Variants in POU4F3 observed in about 807,000 individuals in gnomAD.
POU4F3 encodes POU class 4 homeobox 3.
In POU4F3, 7 loss-of-function variants were observed where a neutral mutation model predicts 22.0. The ratio of observed to expected loss-of-function variants is 0.32; its 90% CI spans 0.18 to 0.60. The LOEUF (loss-of-function observed/expected upper bound fraction) is 0.60, where lower values mean the gene tolerates loss of function less well. Among genes scored for constraint, POU4F3 ranks in the 20% least tolerant of loss-of-function variants. The pLI is 0.85. For missense variants in POU4F3, 457 were observed against 467.4 expected, an observed-to-expected ratio of 0.98 and a Z score of 0.21; for synonymous variants, 220 against 194.5, an observed-to-expected ratio of 1.13 and a Z score of -1.09.
At position 146,339,728 on chromosome 5, in the gene POU4F3, G is replaced by A. The variant is rs1259123186; in HGVS notation, c.301G>A (p.Ala101Thr). Residue 101 changes from alanine to threonine, a missense_variant, in exon 2 of 2, where the codon GCT becomes ACT. Ala to Thr is a moderately conservative substitution (Grantham distance 58). Coordinates refer to ENST00000646991, the MANE Select transcript of POU4F3 (RefSeq NM_002700.3). This position sits in a 1 kb window ranked among gnomAD's most constrained non-coding sequence, Gnocchi z 4.7. Reference sequence around the variant, plus strand: ...GTCCACCGTGCCCATCTCCCACCCAGCTGCGCTCACCTCACACCCTCACCA... The same window carrying A: ...GTCCACCGTGCCCATCTCCCACCCAACTGCGCTCACCTCACACCCTCACCA... Reference protein sequence around the residue: ...TSSTVPISHPAALTSHPHHAV... With the variant: ...TSSTVPISHPTALTSHPHHAV... 4.3e-6 allele frequency: 7 copies of A among 1,614,094 alleles called. No individual in the cohort carries two copies. The South Asian group carries it at 5.5e-5, about 13-fold the overall frequency.
At position 146,340,544 on chromosome 5, in the gene POU4F3, G is replaced by C; in HGVS notation, c.*100G>C. ...GGAACTCCAAGGCGTTTCCTAGGCA[G>C]GTTAGGCTCTCTCCTCCGAAGCCAC... On this transcript the variant is annotated 3_prime_UTR_variant, in exon 2 of 2. Transcript: ENST00000646991. 4 of 1,472,818 alleles carry C rather than the reference G, an allele frequency of 2.7e-6. No individual in the cohort carries two copies. The highest frequency in any genetic ancestry group is 1.2e-5 in the South Asian group (1 of 84,958). The allele number at this position is 1,472,818 out of a possible 1,614,324, so 91.2% of individuals were successfully genotyped here. A position where few individuals can be genotyped will look rare whatever the true frequency, so the allele number is the denominator to read the frequency against.
At position 146,338,987 on chromosome 5, in the gene POU4F3, G is replaced by A. The variant is rs1382857556; in HGVS notation, c.-126G>A. 3 of 1,401,548 alleles carry A rather than the reference G, an allele frequency of 2.1e-6. No homozygotes were observed. The South Asian group carries it at 3.7e-5, about 17-fold the overall frequency. The allele number at this position is 1,401,548 out of a possible 1,614,324, so 86.8% of individuals were successfully genotyped here. ...TGAGTGAAGAAGCAGGTGGGGGAGA[G>A]GGGAGGCAGCGAGCGAGAGGGCGAG... is the stretch of plus-strand genomic sequence containing the variant. On this transcript the variant is annotated 5_prime_UTR_variant, in exon 1 of 2. Transcript: ENST00000646991.
Position 146,340,220 on chromosome 5 carries a change from A to G in POU4F3, c.793A>G (p.Lys265Glu), listed in dbSNP as rs1474847485. ...AEAAYREKNS[K>E]PELFNGSERK... ...GGCCGCCTACCGAGAGAAGAACAGCAAGCCAGAGCTCTTCAACGGCAGCGA... is the reference window on the plus strand; with the variant it reads ...GGCCGCCTACCGAGAGAAGAACAGCGAGCCAGAGCTCTTCAACGGCAGCGA... The change falls in exon 2 of 2, where the codon AAG becomes GAG. Residue 265 changes from lysine to glutamate, a missense_variant. Lys to Glu is a moderately conservative substitution (Grantham distance 56). This residue lies in a region of POU4F3 where 410 missense variants were observed against 385.0 expected (regional missense o/e 1.06). Coordinates refer to ENST00000646991, the MANE Select transcript of POU4F3 (RefSeq NM_002700.3). The G allele has an allele frequency of 6.2e-7, 1 of 1,614,032 alleles. No homozygotes were observed. Among genetic ancestry groups the G allele is most frequent in the Non-Finnish European group, 8.5e-7 (1 of 1,180,036 alleles).
At position 146,339,646 on chromosome 5, in the gene POU4F3, G is replaced by A; in HGVS notation, c.219G>A (p.Pro73=). The change falls in exon 2 of 2, where the codon CCG becomes CCA. Residue 73 remains proline (P), a synonymous_variant. Coordinates refer to ENST00000646991, the MANE Select transcript of POU4F3 (RefSeq NM_002700.3). This position sits in a 1 kb window ranked among gnomAD's most constrained non-coding sequence, Gnocchi z 4.7. Reference sequence around the variant, plus strand: ...TCGTCTCCCACGGCAAGAACCATCCGTTCAAGCCCGACGCCACCTACCATA... The same window carrying A: ...TCGTCTCCCACGGCAAGAACCATCCATTCAAGCCCGACGCCACCTACCATA... ...VDIVSHGKNH[P]FKPDATYHTM... 10 of 1,614,174 alleles carry A rather than the reference G, an allele frequency of 6.2e-6. No homozygotes were observed. The highest frequency in any genetic ancestry group is 8.5e-6 in the Non-Finnish European group (10 of 1,180,040).
At position 146,340,797 on chromosome 5, in the gene POU4F3, G is replaced by A; in HGVS notation, c.*353G>A. 2.6e-6 allele frequency: 1 copy of A among 389,216 alleles called. No homozygotes were observed. Among genetic ancestry groups the A allele is most frequent in the Non-Finnish European group, 4.8e-6 (1 of 208,402 alleles). The allele number at this position is 389,216 out of a possible 1,614,324, so 24.1% of individuals were successfully genotyped here. A position where few individuals can be genotyped will look rare whatever the true frequency, so the allele number is the denominator to read the frequency against. On this transcript the variant is annotated 3_prime_UTR_variant, in exon 2 of 2. Coordinates refer to ENST00000646991, the MANE Select transcript of POU4F3 (RefSeq NM_002700.3). ...ATTGGCCCAACCGCCCGAAGCTAGG[G>A]TGAAAATGCCACTTTGCTAAGCGCG... is the stretch of plus-strand genomic sequence containing the variant.
At position 146,339,253 on chromosome 5, in the gene POU4F3, A is replaced by G; in HGVS notation, c.120+21A>G. On this transcript the variant is annotated intron_variant, in intron 1 of 1. Coordinates refer to ENST00000646991, the MANE Select transcript of POU4F3 (RefSeq NM_002700.3). This position sits in a 1 kb window ranked among gnomAD's most constrained non-coding sequence, Gnocchi z 4.7. ...CGCAGGTACGTAGTGGAGCATAATT[A>G]CCGCTCTAAGGCACATTTTTTGACA... is the stretch of plus-strand genomic sequence containing the variant. 6.2e-7 allele frequency: 1 copy of G among 1,614,038 alleles called. No individual in the cohort carries two copies. The highest frequency in any genetic ancestry group is 8.5e-7 in the Non-Finnish European group (1 of 1,179,984).
At position 146,339,528 on chromosome 5, in the gene POU4F3, G is replaced by A. The variant is rs1316209266; in HGVS notation, c.121-20G>A. On this transcript the variant is annotated intron_variant, in intron 1 of 1. Transcript: ENST00000646991. This position sits in a 1 kb window ranked among gnomAD's most constrained non-coding sequence, Gnocchi z 4.7. Reference sequence around the variant, plus strand: ...GACAGTATTCCCTACTGACCGTGCTGTGCGCCTTCTCGCTTGCAGCTGCAG... The same window carrying A: ...GACAGTATTCCCTACTGACCGTGCTATGCGCCTTCTCGCTTGCAGCTGCAG... 4.3e-6 allele frequency: 7 copies of A among 1,614,034 alleles called. No homozygotes were observed. Among genetic ancestry groups the A allele is most frequent in the South Asian group, 2.2e-5 (2 of 91,090 alleles).
rs1436420822 is a variant in POU4F3, at chr5:146,338,904, C to A, written c.-209C>A. The A allele has an allele frequency of 1.3e-6, 1 of 794,640 alleles. No individual in the cohort carries two copies. The highest frequency in any genetic ancestry group is 2.0e-6 in the Non-Finnish European group (1 of 496,368). 49.2% of individuals were successfully genotyped at this position (794,640 alleles called of 1,614,324 possible). A position where few individuals can be genotyped will look rare whatever the true frequency, so the allele number is the denominator to read the frequency against. ...CCTCCCGGGCCGCCCCTGCGAGTCC[C>A]CGGCGCGTGAGCACGCCTGCGCGCG... On this transcript the variant is annotated 5_prime_UTR_variant, in exon 1 of 2. Coordinates refer to ENST00000646991, the MANE Select transcript of POU4F3 (RefSeq NM_002700.3).
chr5:146,340,821 C>A lies in POU4F3; in HGVS notation c.*377C>A. On this transcript the variant is annotated 3_prime_UTR_variant, in exon 2 of 2. Transcript: ENST00000646991. Reference sequence around the variant, plus strand: ...GGTGAAAATGCCACTTTGCTAAGCGCGATTAGGCAAAGGGTGAAGGGATAA... The same window carrying A: ...GGTGAAAATGCCACTTTGCTAAGCGAGATTAGGCAAAGGGTGAAGGGATAA... 2.8e-6 allele frequency: 1 copy of A among 354,108 alleles called. No individual in the cohort carries two copies. Among genetic ancestry groups the A allele is most frequent in the Non-Finnish European group, 5.3e-6 (1 of 186,928 alleles). 21.9% of individuals were successfully genotyped at this position (354,108 alleles called of 1,614,324 possible).
Position 146,340,503 on chromosome 5 carries a change from C to G in POU4F3, c.*59C>G, listed in dbSNP as rs1049862595. On this transcript the variant is annotated 3_prime_UTR_variant, in exon 2 of 2. Transcript: ENST00000646991. ...GCCTAGTGCTCATCCCTCCCGGGTT[C>G]GGGGGATGGTTATCGGGAACTCCAA... 2 of 1,604,272 alleles carry G rather than the reference C, an allele frequency of 1.2e-6. No homozygotes were observed. The highest frequency in any genetic ancestry group is 1.7e-6 in the Non-Finnish European group (2 of 1,175,120).
Position 146,339,268 on chromosome 5 carries a change from A to G in POU4F3, c.120+36A>G, listed in dbSNP as rs976282413. ...GAGCATAATTACCGCTCTAAGGCAC[A>G]TTTTTTGACAGGCACTAGCTTCATG... is the stretch of plus-strand genomic sequence containing the variant. On this transcript the variant is annotated intron_variant, in intron 1 of 1. Coordinates refer to ENST00000646991, the MANE Select transcript of POU4F3 (RefSeq NM_002700.3). The surrounding 1 kb of genome is among the most constrained non-coding windows in gnomAD (Gnocchi z 4.7). The G allele has an allele frequency of 6.2e-6, 10 of 1,613,514 alleles. No homozygotes were observed. In the Admixed American group the frequency reaches 1.0e-4, roughly 16 times the overall value.
In POU4F3 at chr5:146,340,078, C is replaced by T. The variant is rs2126961736; in HGVS notation, c.651C>T (p.Ile217=). The change falls in exon 2 of 2, where the codon ATC becomes ATT. Residue 217 remains isoleucine, a synonymous_variant. Transcript: ENST00000646991. ...GCGCGGCTCTGGCTAATCTCAAGATCCCCGGCGTGGGCTCGCTGAGCCAAA... is the reference window on the plus strand; with the variant it reads ...GCGCGGCTCTGGCTAATCTCAAGATTCCCGGCGTGGGCTCGCTGAGCCAAA... ...DVGAALANLK[I]PGVGSLSQST... is the part of the protein sequence containing the mutation. 6.2e-7 allele frequency: 1 copy of T among 1,614,160 alleles called. No homozygotes were observed. Among genetic ancestry groups the T allele is most frequent in the South Asian group, 1.1e-5 (1 of 91,078 alleles).
Position 146,339,057 on chromosome 5 carries a change from A to G in POU4F3, c.-56A>G. The stretch of plus-strand genomic sequence containing the variant: ...AGCGCTCACTTGGAGAGCGGCAAGC[A>G]AGCTAGACAAGCCTGATTCCATGTC... On this transcript the variant is annotated 5_prime_UTR_variant, in exon 1 of 2. Coordinates refer to ENST00000646991, the MANE Select transcript of POU4F3 (RefSeq NM_002700.3). This position sits in a 1 kb window ranked among gnomAD's most constrained non-coding sequence, Gnocchi z 4.7. The G allele has an allele frequency of 6.2e-7, 1 of 1,607,848 alleles. No individual in the cohort carries two copies.
Position 146,340,121 on chromosome 5 carries a change from G to C in POU4F3, c.694G>C (p.Glu232Gln), listed in dbSNP as rs2126961780. ...GAGCCAAAGCACCATCTGCAGGTTC[G>C]AGTCTCTCACTCTCTCGCACAACAA... ...SLSQSTICRFESLTLSHNNMI... is the reference protein window; with the variant it reads ...SLSQSTICRFQSLTLSHNNMI... Residue 232 changes from glutamate (E) to glutamine (Q), a missense_variant, in exon 2 of 2, where the codon GAG (glutamate) becomes CAG (glutamine). Glu to Gln is a conservative substitution (Grantham distance 29, BLOSUM62 2). Coordinates refer to ENST00000646991, the MANE Select transcript of POU4F3 (RefSeq NM_002700.3). 5.6e-6 allele frequency: 9 copies of C among 1,614,170 alleles called. No individual in the cohort carries two copies. The highest frequency in any genetic ancestry group is 7.6e-6 in the Non-Finnish European group (9 of 1,180,044).
Position 146,338,962 on chromosome 5 carries a change from T to A in POU4F3, c.-151T>A. The A allele has an allele frequency of 8.0e-7, 1 of 1,248,884 alleles. No individual in the cohort carries two copies. Among genetic ancestry groups the A allele is most frequent in the Non-Finnish European group, 1.1e-6 (1 of 883,160 alleles). 77.4% of individuals were successfully genotyped at this position (1,248,884 alleles called of 1,614,324 possible). A position where few individuals can be genotyped will look rare whatever the true frequency, so the allele number is the denominator to read the frequency against. On this transcript the variant is annotated 5_prime_UTR_variant, in exon 1 of 2. It removes an upstream start codon present in the reference 5' UTR. Transcript: ENST00000646991. ...CCTTCCTGGCAGGCTGCTTGTAAGA[T>A]GAGTGAAGAAGCAGGTGGGGGAGAG...
At position 146,339,160 on chromosome 5, in the gene POU4F3, G is replaced by T. The variant is rs752286601; in HGVS notation, c.48G>T (p.Leu16=). 11 of 1,614,248 alleles carry T rather than the reference G, an allele frequency of 6.8e-6. No individual in the cohort carries two copies. Among genetic ancestry groups the T allele is most frequent in the Non-Finnish European group, 9.3e-6 (11 of 1,180,046 alleles). ...AGCCTTTCGGCATGCACCCGGTGCT[G>T]CAAGAACCCAAATTCTCCAGTCTGC... ...SKQPFGMHPV[L]QEPKFSSLHS... The change falls in exon 1 of 2, where the codon CTG becomes CTT. Residue 16 remains leucine, a synonymous_variant. Coordinates refer to ENST00000646991, the MANE Select transcript of POU4F3 (RefSeq NM_002700.3). The surrounding 1 kb of genome is among the most constrained non-coding windows in gnomAD (Gnocchi z 4.7).
rs1004664999 is a variant in POU4F3, at chr5:146,340,506, G to T, written c.*62G>T. ...TAGTGCTCATCCCTCCCGGGTTCGG[G>T]GGATGGTTATCGGGAACTCCAAGGC... is the stretch of plus-strand genomic sequence containing the variant. On this transcript the variant is annotated 3_prime_UTR_variant, in exon 2 of 2. Coordinates refer to ENST00000646991, the MANE Select transcript of POU4F3 (RefSeq NM_002700.3). 1.7e-5 allele frequency: 28 copies of T among 1,604,338 alleles called. No individual in the cohort carries two copies. In the Middle Eastern group the frequency reaches 1.1e-3, roughly 61 times the overall value.
chr5:146,339,993 C>T lies in POU4F3; in HGVS notation c.566C>T (p.Ala189Val). ...GAGTCAGACCCGCGCGAGCTGGAAGCCTTCGCCGAGCGCTTCAAGCAGCGG... is the reference window on the plus strand; with the variant it reads ...GAGTCAGACCCGCGCGAGCTGGAAGTCTTCGCCGAGCGCTTCAAGCAGCGG... ...DVESDPRELE[A>V]FAERFKQRRI... The change falls in exon 2 of 2, where the codon GCC becomes GTC. Residue 189 changes from alanine to valine, a missense_variant. Transcript: ENST00000646991. This position sits in a 1 kb window ranked among gnomAD's most constrained non-coding sequence, Gnocchi z 4.7. 1.9e-6 allele frequency: 3 copies of T among 1,613,170 alleles called. No individual in the cohort carries two copies. Among genetic ancestry groups the T allele is most frequent in the Non-Finnish European group, 2.5e-6 (3 of 1,179,988 alleles).
Position 146,339,738 on chromosome 5 carries a change from C to T in POU4F3, c.311C>T (p.Thr104Ile). The change falls in exon 2 of 2, where the codon ACC (threonine) becomes ATC (isoleucine). Residue 104 changes from threonine (T) to isoleucine (I), a missense_variant. Physicochemically the swap from Thr to Ile is moderately conservative, Grantham distance 89. Transcript: ENST00000646991. The surrounding 1 kb of genome is among the most constrained non-coding windows in gnomAD (Gnocchi z 4.7). Reference sequence around the variant, plus strand: ...CCCATCTCCCACCCAGCTGCGCTCACCTCACACCCTCACCACGCCGTGCAC... The same window carrying T: ...CCCATCTCCCACCCAGCTGCGCTCATCTCACACCCTCACCACGCCGTGCAC... ...TVPISHPAAL[T>I]SHPHHAVHQG... is the part of the protein sequence containing the mutation. The T allele has an allele frequency of 6.2e-7, 1 of 1,614,000 alleles. No individual in the cohort carries two copies. The highest frequency in any genetic ancestry group is 8.5e-7 in the Non-Finnish European group (1 of 1,180,028).
Sources: allele counts gnomAD v4.1 joint callset, GRCh38; gene constraint gnomAD v4.1.1; regional missense constraint gnomAD v4.1.1; non-coding constraint Gnocchi (gnomAD v3.1); transcripts MANE v1.5; gene names NCBI Gene and HGNC (gene_info 2026-07-23, HGNC 2026-07-21).